The following GRIN2D variants were observed in gnomAD, a reference collection of about 807,000 sequenced individuals.
GRIN2D encodes glutamate ionotropic receptor NMDA type subunit 2D.
Under a neutral mutation model 103.2 loss-of-function variants are expected in GRIN2D, and 37 were observed. The observed-to-expected ratio is 0.36, with a 90% CI of 0.28 to 0.47. The LOEUF (loss-of-function observed/expected upper bound fraction) is 0.47. Among genes scored for constraint, GRIN2D ranks in the 20% least tolerant of loss-of-function variants. The pLI, the probability that GRIN2D is intolerant of heterozygous loss-of-function variation, is 1.00. For missense variants in GRIN2D, 1,557 were observed against 1,910.6 expected (o/e 0.81, Z 3.45); for synonymous variants, 845 against 885.6 (o/e 0.95, Z 0.81).
intron 11 of GRIN2D, among the ~76,000 whole-genome samples, chr19:48,431,708 C>T (rs912970896): frequency 6.6e-6 from 1 of 151,916 alleles, no homozygotes; most frequent in African/African-American, 2.4e-5. Context: ...TCTCAGCCTC[C>T]CAAGCAGCTC....
chr19:48,400,293 G>A (rs562127384), intron 3 of GRIN2D, among the ~76,000 whole-genome samples: 11 of 152,224 alleles, frequency 7.2e-5, no homozygotes, highest in Non-Finnish European at 1.5e-4. Context: ...GCAACCCAGA[G>A]GTGGAGCTTC....
intron 3 of GRIN2D, among the ~76,000 whole-genome samples, chr19:48,399,838 G>A (rs970275110): frequency 6.6e-6 from 1 of 151,262 alleles, no homozygotes; most frequent in Non-Finnish European, 1.5e-5. Flanking sequence ...AGGCCAGTCA[G>A]GGAAGGAGTG....
chr19:48,408,119 G>T (rs1000933685), intron 4 of GRIN2D, among the ~76,000 whole-genome samples: 1 of 152,100 alleles, frequency 6.6e-6, no homozygotes, highest in Non-Finnish European at 1.5e-5. Context: ...CGGATCACAA[G>T]GTCAGGAGAT....
chr19:48,403,782 T>G (rs1019586120), intron 3 of GRIN2D, among the ~76,000 whole-genome samples: 6 of 152,196 alleles, frequency 3.9e-5, no homozygotes, highest in Non-Finnish European at 8.8e-5. Context: ...CTGGGAGATG[T>G]AGTCTCCTCA....
intron 4 of GRIN2D, among the ~76,000 whole-genome samples, chr19:48,406,185 T>A (rs1415765027): frequency 6.6e-6 from 1 of 152,168 alleles, no homozygotes; most frequent in Non-Finnish European, 1.5e-5. Flanking sequence ...CGTCCATTCC[T>A]GGCTAGACGT....
intron 11 of GRIN2D, among the ~76,000 whole-genome samples, chr19:48,425,223 C>T (rs1281745594): frequency 1.8e-5 from 2 of 111,716 alleles, no homozygotes; most frequent in African/African-American, 6.8e-5. Flanking sequence ...CAGAGACTCT[C>T]AGTGGGCGGG....
rs950514288 is a variant in GRIN2D at position 48,443,701 on chromosome 19, G to A, written c.3775G>A (p.Gly1259Ser). The change falls in exon 14 of 14, where the codon GGC becomes AGC. Residue 1259 changes from glycine to serine, a missense_variant. By Grantham distance (56) the Gly-to-Ser change is moderately conservative. Around this residue, in one of 7 missense-constraint regions of GRIN2D, gnomAD observed 632 missense variants for 572.8 expected, o/e 1.10. Transcript: ENST00000263269. The surrounding 1 kb of genome is among the most constrained non-coding windows in gnomAD (Gnocchi z 8.9). ...CCACAGGCACCGGCGCGCCGCTGGG[G>A]GCTGGGACCTCCCGCCGCCCGCGCC... ...HHHRHRRAAGGWDLPPPAPTS... is the reference protein window; with the variant it reads ...HHHRHRRAAGSWDLPPPAPTS... 2 of 1,296,586 alleles carry A rather than the reference G, an allele frequency of 1.5e-6. No homozygotes were observed. Among genetic ancestry groups the A allele is most frequent in the African/African-American group, 1.6e-5 (1 of 64,012 alleles). 80.3% of individuals were successfully genotyped at this position (1,296,586 alleles called of 1,614,324 possible).
At chr19:48,413,643 CAGA>C (rs1272341842) in intron 4 of GRIN2D, among the ~76,000 whole-genome samples, 1 of 107,976 alleles carries the variant, frequency 9.3e-6, no homozygotes, top group Non-Finnish European at 1.7e-5. Flanking sequence ...GCCTGGGAGA[CAGA>C]GCAAGACTCT....
chr19:48,402,578 G>A (rs1460780117), intron 3 of GRIN2D, among the ~76,000 whole-genome samples: 3 of 151,144 alleles, frequency 2.0e-5, no homozygotes, highest in Non-Finnish European at 4.4e-5. Context: ...TTAGCCGGGC[G>A]CAGTGGCGGG....
chr19:48,399,783 G>C (rs1040552393), intron 3 of GRIN2D, among the ~76,000 whole-genome samples: 4 of 151,768 alleles, frequency 2.6e-5, no homozygotes, highest in Non-Finnish European at 5.9e-5. Flanking sequence ...AGAGGAGGAC[G>C]GGCAAGGGGT....
At position 48,393,976 on chromosome 19, in the gene GRIN2D, C is replaced by T. The variant is rs761187242; in HGVS notation, c.-306+108C>T. ...GAGGGGTCTGTCTGTCTGTACCGACCCTGAGCTGCCTGCCTGGGTGTCGTG... is the reference window on the plus strand; with the variant it reads ...GAGGGGTCTGTCTGTCTGTACCGACTCTGAGCTGCCTGCCTGGGTGTCGTG... On this transcript the variant is annotated intron_variant, in intron 1 of 13. Coordinates refer to ENST00000263269, the MANE Select transcript of GRIN2D (RefSeq NM_000836.4). This position sits in a 1 kb window ranked among gnomAD's most constrained non-coding sequence, Gnocchi z 5.6. 5.9e-5 allele frequency among the ~76,000 whole-genome samples: 9 copies of T among 151,868 alleles called. No individual in the cohort carries two copies. The highest frequency in any genetic ancestry group is 1.2e-4 in the Non-Finnish European group (8 of 67,944).
intron 11 of GRIN2D, among the ~76,000 whole-genome samples, chr19:48,438,577 C>A (rs531452226): frequency 6.6e-6 from 1 of 152,044 alleles, no homozygotes; most frequent in South Asian, 2.1e-4. Context: ...GGATTACAGG[C>A]ATTAGCCACC....
chr19:48,402,086 C>T (rs890124462), intron 3 of GRIN2D, among the ~76,000 whole-genome samples: 7 of 135,644 alleles, frequency 5.2e-5, no homozygotes, highest in African/African-American at 8.5e-5. Context: ...GACAACAGAG[C>T]GAAACTTGAA....
At chr19:48,404,664 C>G in intron 3 of GRIN2D, 70 bp from the exon 4 acceptor site, 1 of 1,434,012 alleles carries the variant, frequency 7.0e-7, no homozygotes. Context: ...GAGCTGTGGT[C>G]CCCTTATTCA....
At chr19:48,429,460 C>A (rs1256988681) in intron 11 of GRIN2D, among the ~76,000 whole-genome samples, 2 of 152,042 alleles carry the variant, frequency 1.3e-5, no homozygotes, top group Non-Finnish European at 2.9e-5. Context: ...AGTGCAGTGG[C>A]GTGATCTTGG....
At position 48,394,889 on chromosome 19, in the gene GRIN2D, G is replaced by T. The variant is rs1171887352; in HGVS notation, c.-74G>T. The T allele has an allele frequency of 1.3e-5, 2 of 152,990 alleles. No individual in the cohort carries two copies. The highest frequency in any genetic ancestry group is 2.9e-5 in the Non-Finnish European group (2 of 68,674). 9.5% of individuals were successfully genotyped at this position (152,990 alleles called of 1,614,324 possible). ...TTGGGGTCGCTGGACGCCGGGTTCC[G>T]GTCCTGGCCCCCCCGCCATCCCCCC... is the stretch of plus-strand genomic sequence containing the variant. On this transcript the variant is annotated 5_prime_UTR_variant, in exon 2 of 14. Transcript: ENST00000263269. The surrounding 1 kb of genome is among the most constrained non-coding windows in gnomAD (Gnocchi z 5.1).
intron 4 of GRIN2D, among the ~76,000 whole-genome samples, chr19:48,413,552 C>T (rs536422459): frequency 1.4e-4 from 20 of 146,678 alleles, no homozygotes; most frequent in African/African-American, 4.6e-4. Flanking sequence ...ATCCCAGCTA[C>T]TTGGGAGGCT....
chr19:48,408,833 A>AG (rs1491188697), intron 4 of GRIN2D, among the ~76,000 whole-genome samples: 10 of 150,706 alleles, frequency 6.6e-5, no homozygotes, highest in African/African-American at 2.4e-4. Context: ...AAAAAAAAAA[A>AG]AGAGAGAAAG....
chr19:48,427,645 AT>A (rs1440570793), intron 11 of GRIN2D, among the ~76,000 whole-genome samples: 2 of 149,512 alleles, frequency 1.3e-5, no homozygotes, highest in Non-Finnish European at 3.0e-5. Flanking sequence ...TGCCCGGGTA[AT>A]TTTTGTATTT....
Sources: gnomAD v4.1 joint callset for allele counts (sites outside exome capture counted in the v4.1 genomes callset) on GRCh38, gnomAD v4.1.1 for gene constraint, gnomAD v4.1.1 regional missense constraint, Gnocchi (gnomAD v3.1) non-coding constraint, MANE v1.5 for transcripts, NCBI Gene and HGNC (gene_info 2026-07-23, HGNC 2026-07-21) for gene names.